The following VPS8 variants were observed in gnomAD, a reference collection of about 807,000 sequenced individuals.
The protein encoded by VPS8 is VPS8 subunit of CORVET complex, also known as vacuolar protein sorting-associated protein 8 homolog.
In VPS8, 129 loss-of-function variants were observed where a neutral mutation model predicts 216.4. The ratio of observed to expected loss-of-function variants is 0.60; its 90% CI spans 0.52 to 0.69. The LOEUF (loss-of-function observed/expected upper bound fraction) is 0.69, where lower values mean the gene tolerates loss of function less well. VPS8 is among the 30% of genes least tolerant of loss of function. The probability of loss-of-function intolerance (pLI) is 0.00; values close to 1 mark genes in which losing one functional copy is unlikely to be tolerated. For missense variants in VPS8, 1,531 were observed against 1,683.5 expected (o/e 0.91, Z 1.59); for synonymous variants, 571 against 565.4 (o/e 1.01, Z -0.14).
chr3:184,978,620 G>A (rs556887414), intron 40 of VPS8, among the ~76,000 whole-genome samples: 214 of 152,078 alleles, frequency 1.4e-3, no homozygotes, highest in Admixed American at 1.8e-3. Context: ...GGCTTGTCTC[G>A]AACTCCTGGA....
chr3:184,967,600 G>A (rs930989112), intron 39 of VPS8, among the ~76,000 whole-genome samples: 2 of 152,106 alleles, frequency 1.3e-5, no homozygotes, highest in African/African-American at 4.8e-5. Context: ...CACTTTAGGA[G>A]GCCGAGGCAG....
intron 45 of VPS8, among the ~76,000 whole-genome samples, chr3:185,003,153 C>T (rs1290480288): frequency 2.7e-5 from 2 of 73,514 alleles, no homozygotes; most frequent in Non-Finnish European, 5.1e-5. Flanking sequence ...TTTATTTTTT[C>T]TCATTTTTTT....
At chr3:184,868,106 T>C (rs773030919) in intron 18 of VPS8, 47 bp downstream of exon 18, 1 of 1,578,554 alleles carries the variant, frequency 6.3e-7, no homozygotes, top group Non-Finnish European at 8.7e-7. Flanking sequence ...AATTGGTAGC[T>C]TCTTAACATT....
intron 16 of VPS8, among the ~76,000 whole-genome samples, chr3:184,864,554 A>G (rs1726980530): frequency 6.6e-6 from 1 of 152,208 alleles, no homozygotes; most frequent in Admixed American, 6.5e-5. Flanking sequence ...CACAGGGCTG[A>G]AAACAGTGCT....
intron 16 of VPS8, among the ~76,000 whole-genome samples, chr3:184,865,716 G>C (rs1350013853): frequency 6.6e-6 from 1 of 152,210 alleles, no homozygotes; most frequent in Non-Finnish European, 1.5e-5. Context: ...GGCCAGGCGT[G>C]GTGGCTCTTG....
intron 3 of VPS8, among the ~76,000 whole-genome samples, chr3:184,828,913 A>G (rs1434655181): frequency 1.3e-5 from 2 of 152,196 alleles, no homozygotes; most frequent in East Asian, 3.9e-4. Flanking sequence ...ACCCAGGGTA[A>G]TTACTACTCT....
chr3:185,024,679 C>T (rs1757109794), intron 46 of VPS8, among the ~76,000 whole-genome samples: 1 of 152,174 alleles, frequency 6.6e-6, no homozygotes, highest in Admixed American at 6.5e-5. Flanking sequence ...AAGATATTCA[C>T]AGGAAAGCTA....
chr3:185,026,388 A>G (rs901666777), intron 46 of VPS8, among the ~76,000 whole-genome samples: 4 of 150,862 alleles, frequency 2.7e-5, no homozygotes, highest in Non-Finnish European at 4.4e-5. Flanking sequence ...TTCCCCACAG[A>G]TATCGAGGGA....
rs764849300 is a variant in VPS8 at position 184,868,926 on chromosome 3, C to T, written c.1507-20C>T. 1.3e-6 allele frequency: 2 copies of T among 1,590,328 alleles called. No individual in the cohort carries two copies. The highest frequency in any genetic ancestry group is 2.3e-5 in the East Asian group (1 of 43,994). On this transcript the variant is annotated intron_variant, in intron 18 of 47. Coordinates refer to ENST00000625842, the MANE Select transcript of VPS8 (RefSeq NM_001009921.3). ...CTGGTCAGACAAAGGGGCCTGGTTT[C>T]TCTCATTTTTCCGTTTTAGAGAGTG...
chr3:185,016,216 C>A (rs1407590719), intron 45 of VPS8, among the ~76,000 whole-genome samples: 3 of 152,174 alleles, frequency 2.0e-5, no homozygotes, highest in Non-Finnish European at 4.4e-5. Context: ...TCGTTACTTT[C>A]TGTGGCACAA....
chr3:185,018,262 A>G (rs1253781511), intron 45 of VPS8, among the ~76,000 whole-genome samples: 1 of 152,206 alleles, frequency 6.6e-6, no homozygotes, highest in East Asian at 1.9e-4. Context: ...CGGATCTGCA[A>G]TCACCTTTTT....
intron 40 of VPS8, among the ~76,000 whole-genome samples, chr3:184,977,751 CT>C (rs1749526694): frequency 8.7e-6 from 1 of 114,468 alleles, no homozygotes; most frequent in African/African-American, 3.3e-5. Flanking sequence ...TTTTTGTCAA[CT>C]TTTTCAAAGC....
chr3:184,874,999 T>G (rs957429409), intron 21 of VPS8, among the ~76,000 whole-genome samples: 5 of 152,050 alleles, frequency 3.3e-5, no homozygotes, highest in Non-Finnish European at 7.4e-5. Context: ...GCATCTCTTA[T>G]TATGGAATGT....
chr3:185,006,878 G>A (rs1361097502), intron 45 of VPS8, among the ~76,000 whole-genome samples: 2 of 152,062 alleles, frequency 1.3e-5, no homozygotes, highest in African/African-American at 4.8e-5. Flanking sequence ...TCCAAGACTT[G>A]AGATAATTAA....
chr3:184,956,717 T>C (rs1745663067), intron 36 of VPS8, among the ~76,000 whole-genome samples: 1 of 152,224 alleles, frequency 6.6e-6, no homozygotes. Flanking sequence ...TCCAAAACTT[T>C]TGTGTAGGCA....
chr3:184,825,286 G>C (rs181514000), intron 2 of VPS8, among the ~76,000 whole-genome samples: 2 of 152,278 alleles, frequency 1.3e-5, no homozygotes, highest in East Asian at 3.9e-4. Flanking sequence ...ATAATCCATT[G>C]TATAGATGAA....
chr3:185,005,049 A>T (rs985878661), intron 45 of VPS8, among the ~76,000 whole-genome samples: 4 of 152,154 alleles, frequency 2.6e-5, no homozygotes, highest in African/African-American at 7.2e-5. Flanking sequence ...TTGACTTTGT[A>T]TACAGTGAGA....
At chr3:184,967,261 G>A (rs1747576211) in intron 39 of VPS8, among the ~76,000 whole-genome samples, 1 of 152,124 alleles carries the variant, frequency 6.6e-6, no homozygotes, top group Non-Finnish European at 1.5e-5. Context: ...ACCACGCTAG[G>A]CTGGTTATCT....
chr3:184,951,311 C>T (rs1744656268), intron 36 of VPS8, among the ~76,000 whole-genome samples: 3 of 151,976 alleles, frequency 2.0e-5, no homozygotes, highest in Admixed American at 2.0e-4. Flanking sequence ...CATGGTGAGA[C>T]CCCATCTCTA....
Sources: allele counts gnomAD v4.1 joint callset (sites outside exome capture counted in the v4.1 genomes callset), GRCh38; gene constraint gnomAD v4.1.1; transcripts MANE v1.5; gene names NCBI Gene and HGNC (gene_info 2026-07-23, HGNC 2026-07-21).